DEPTOR: variants seen among roughly 807,000 people sequenced by gnomAD.
The protein encoded by DEPTOR is DEP domain containing MTOR interacting protein, also known as DEP domain-containing mTOR-interacting protein.
A neutral mutation model predicts 41.6 loss-of-function variants in DEPTOR; 41 were observed. The observed-to-expected ratio is 0.98, with a 90% CI of 0.77 to 1.28. DEPTOR has a LOEUF of 1.28. Ranked by LOEUF, DEPTOR falls within the 50% of genes most tolerant of loss-of-function variation. The pLI is 0.00. For synonymous variants in DEPTOR, 195 were observed against 192.3 expected (o/e 1.01, Z -0.12); for missense variants, 514 against 527.9 (o/e 0.97, Z 0.26).
intron 8 of DEPTOR, among the ~76,000 whole-genome samples, chr8:120,030,300 G>A (rs1812865971): frequency 6.6e-6 from 1 of 151,924 alleles, no homozygotes; most frequent in Admixed American, 6.6e-5. Context: ...GTGGAAATAG[G>A]ATATGTATTA....
At chr8:119,995,871 T>A (rs1174982851) in intron 4 of DEPTOR, among the ~76,000 whole-genome samples, 2 of 152,198 alleles carry the variant, frequency 1.3e-5, no homozygotes, top group Non-Finnish European at 2.9e-5. Flanking sequence ...ATAATATGGC[T>A]GTCTACCTGC....
At chr8:119,898,478 C>T (rs373901852) in intron 1 of DEPTOR, among the ~76,000 whole-genome samples, 15 of 152,128 alleles carry the variant, frequency 9.9e-5, no homozygotes, top group African/African-American at 1.9e-4. Flanking sequence ...ATCCCAAGAA[C>T]GTTGGGAGGC....
At chr8:119,931,226 C>A (rs548478859) in intron 3 of DEPTOR, among the ~76,000 whole-genome samples, 1 of 151,636 alleles carries the variant, frequency 6.6e-6, no homozygotes, top group Non-Finnish European at 1.5e-5. Context: ...TAAAAAAAAA[C>A]AAAACATATT....
chr8:120,040,001 G>A (rs1285497044), intron 8 of DEPTOR, among the ~76,000 whole-genome samples: 2 of 151,816 alleles, frequency 1.3e-5, no homozygotes, highest in Non-Finnish European at 2.9e-5. Flanking sequence ...ATGCCACCAC[G>A]CCTGGCTAAT....
chr8:120,034,427 C>CT (rs1438957588), intron 8 of DEPTOR, among the ~76,000 whole-genome samples: 4 of 137,602 alleles, frequency 2.9e-5, no homozygotes, highest in Admixed American at 7.7e-5. Context: ...CTTTTTTTTT[C>CT]TTTTTTTTCC....
intron 1 of DEPTOR, among the ~76,000 whole-genome samples, chr8:119,890,517 G>A (rs1390549487): frequency 6.6e-6 from 1 of 152,048 alleles, no homozygotes; most frequent in Non-Finnish European, 1.5e-5. Flanking sequence ...TGGCCAGGCT[G>A]GTCTTGATCT....
chr8:120,007,530 T>C (rs2037343), intron 7 of DEPTOR, among the ~76,000 whole-genome samples: 101,795 of 152,020 alleles, frequency 0.67, 34,820 homozygotes, highest in Middle Eastern at 0.76. Flanking sequence ...GAAAGTGCTC[T>C]TTTCAGCATC....
chr8:120,011,570 T>C (rs1387452169), intron 8 of DEPTOR, among the ~76,000 whole-genome samples: 1 of 152,202 alleles, frequency 6.6e-6, no homozygotes, highest in Admixed American at 6.5e-5. Context: ...CAGTTCTGAG[T>C]GTGCACTCAC....
chr8:119,877,126 G>A (rs1164759171), intron 1 of DEPTOR, among the ~76,000 whole-genome samples: 3 of 152,108 alleles, frequency 2.0e-5, no homozygotes, highest in African/African-American at 7.2e-5. Context: ...CCTCTTCTAC[G>A]AAATGTTATT....
intron 1 of DEPTOR, among the ~76,000 whole-genome samples, chr8:119,916,275 T>TGG (rs1563964757): frequency 2.0e-4 from 29 of 144,796 alleles, no homozygotes; most frequent in African/African-American, 5.9e-4. Flanking sequence ...AATTTTTTTT[T>TGG]TTTTTTTTTT....
intron 1 of DEPTOR, among the ~76,000 whole-genome samples, chr8:119,875,017 T>C (rs375176040): frequency 6.6e-6 from 1 of 151,690 alleles, no homozygotes; most frequent in African/African-American, 2.4e-5. Flanking sequence ...CTTGCAAAGG[T>C]CTCTGAAGGA....
At chr8:119,961,763 T>G (rs1031854892) in intron 3 of DEPTOR, among the ~76,000 whole-genome samples, 20 of 152,194 alleles carry the variant, frequency 1.3e-4, no homozygotes, top group Admixed American at 1.3e-3. Flanking sequence ...CAAGGTTTCT[T>G]CCTACTCTAG....
intron 8 of DEPTOR, among the ~76,000 whole-genome samples, chr8:120,018,716 A>G (rs537491111): frequency 9.2e-5 from 14 of 152,286 alleles, no homozygotes; most frequent in African/African-American, 1.7e-4. Flanking sequence ...GATAGGGTCA[A>G]TGAGCCACTG....
chr8:119,961,136 G>T (rs2129955953), intron 3 of DEPTOR, among the ~76,000 whole-genome samples: 1 of 152,030 alleles, frequency 6.6e-6, no homozygotes, highest in African/African-American at 2.4e-5. Flanking sequence ...AAGAAAAGTG[G>T]CTGGGCACAG....
At chr8:119,972,209 T>C (rs1320226536) in intron 4 of DEPTOR, among the ~76,000 whole-genome samples, 1 of 152,220 alleles carries the variant, frequency 6.6e-6, no homozygotes, top group African/African-American at 2.4e-5. Flanking sequence ...CTCTAAATAA[T>C]AGGTGAAATG....
chr8:119,928,085 T>A (rs1652468492), intron 1 of DEPTOR, among the ~76,000 whole-genome samples: 1 of 152,112 alleles, frequency 6.6e-6, no homozygotes, highest in African/African-American at 2.4e-5. Flanking sequence ...ATAACCCCAC[T>A]GGAGAGAGAA....
At chr8:119,990,094 T>C (rs1812128728) in intron 4 of DEPTOR, among the ~76,000 whole-genome samples, 1 of 152,250 alleles carries the variant, frequency 6.6e-6, no homozygotes, top group South Asian at 2.1e-4. Flanking sequence ...TTGTTCTGCA[T>C]GTTATCACTA....
intron 3 of DEPTOR, among the ~76,000 whole-genome samples, chr8:119,951,141 T>G (rs1407451217): frequency 6.6e-6 from 1 of 152,102 alleles, no homozygotes; most frequent in Non-Finnish European, 1.5e-5. Context: ...CACTTCATCT[T>G]ACCTCTCCTA....
intron 4 of DEPTOR, among the ~76,000 whole-genome samples, chr8:119,980,040 T>G (rs1465705544): frequency 3.3e-5 from 5 of 152,128 alleles, no homozygotes; most frequent in Non-Finnish European, 7.4e-5. Flanking sequence ...ACTTGTTTGT[T>G]GGTTGGCTGT....
Sources: allele counts gnomAD v4.1 joint callset (sites outside exome capture counted in the v4.1 genomes callset), GRCh38; gene constraint gnomAD v4.1.1; transcripts MANE v1.5; gene names NCBI Gene and HGNC (gene_info 2026-07-23, HGNC 2026-07-21).